The following DLGAP2 variants were observed in gnomAD, a reference collection of about 807,000 sequenced individuals.
DLGAP2 encodes disks large-associated protein 2.
DLGAP2 carries 26 observed loss-of-function variants against 100.3 expected under a neutral mutation model. The ratio of observed to expected loss-of-function variants is 0.26; its 90% CI spans 0.19 to 0.36. The LOEUF is 0.36. Among genes scored for constraint, DLGAP2 ranks in the 10% least tolerant of loss-of-function variants. The pLI is 1.00. For synonymous variants in DLGAP2, 886 were observed against 630.1 expected (o/e 1.41, Z -6.08); for missense variants, 1,858 against 1,453.2 (o/e 1.28, Z -4.53).
chr8:798,782 C>T (rs1184784598), intron 1 of DLGAP2, among the ~76,000 whole-genome samples: 1 of 147,374 alleles, frequency 6.8e-6, no homozygotes, highest in Non-Finnish European at 1.5e-5. Context: ...GGACCTGCAG[C>T]CCCGTGCCCT....
rs1331733325 is a variant in DLGAP2, at chr8:1,358,909, G to A, written c.106+100026G>A. On this transcript the variant is annotated intron_variant, in intron 3 of 14. Coordinates refer to ENST00000637795, the MANE Select transcript of DLGAP2 (RefSeq NM_001346810.2). ...AGGTCCAGAGACTCGGGAATTCTCG[G>A]TGCAGAGGCCCCAAAGGGAGAGAGT... Among the ~76,000 whole-genome samples the A allele has an allele frequency of 2.0e-5, 3 of 150,776 alleles. No homozygotes were observed. In the East Asian group the frequency reaches 5.8e-4, roughly 29 times the overall value.
intron 2 of DLGAP2, among the ~76,000 whole-genome samples, chr8:1,165,027 G>T (rs548176286): frequency 3.9e-5 from 6 of 152,224 alleles, no homozygotes; most frequent in African/African-American, 1.4e-4. Context: ...GGGGTTGGGT[G>T]TTGGGAGTCC....
At chr8:756,693 C>A (rs950730465) in intron 1 of DLGAP2, among the ~76,000 whole-genome samples, 1 of 152,228 alleles carries the variant, frequency 6.6e-6, no homozygotes, top group East Asian at 1.9e-4. Context: ...GAGGCTGAAC[C>A]TGGAATCCCC....
chr8:1,604,960 G>A (rs180701651), intron 6 of DLGAP2, among the ~76,000 whole-genome samples: 259 of 152,296 alleles, frequency 1.7e-3, no homozygotes, highest in Admixed American at 2.2e-3. Flanking sequence ...GTCTTGTGTC[G>A]TGTGTGGAGT....
At chr8:1,640,186 T>A (rs1234605269) in intron 8 of DLGAP2, among the ~76,000 whole-genome samples, 1 of 152,142 alleles carries the variant, frequency 6.6e-6, no homozygotes, top group Non-Finnish European at 1.5e-5. Context: ...ATTACACAAA[T>A]CCTTGTCGTA....
At chr8:1,021,495 A>G (rs1383983336) in intron 2 of DLGAP2, among the ~76,000 whole-genome samples, 1 of 152,196 alleles carries the variant, frequency 6.6e-6, no homozygotes, top group Non-Finnish European at 1.5e-5. Context: ...TTTTGGACCA[A>G]TTATGGGAGT....
intron 2 of DLGAP2, among the ~76,000 whole-genome samples, chr8:1,169,152 T>G (rs1797076412): frequency 1.3e-5 from 2 of 151,684 alleles, no homozygotes. Flanking sequence ...CTTTCCCCAT[T>G]GCTTGTTTTT....
intron 2 of DLGAP2, among the ~76,000 whole-genome samples, chr8:1,091,694 T>C (rs924242519): frequency 5.3e-5 from 8 of 152,074 alleles, no homozygotes; most frequent in African/African-American, 1.9e-4. Flanking sequence ...GTGAAGCAGT[T>C]CTTGTGGGTG....
At chr8:1,486,108 A>C (rs1039747136) in intron 3 of DLGAP2, among the ~76,000 whole-genome samples, 5 of 152,222 alleles carry the variant, frequency 3.3e-5, no homozygotes, top group African/African-American at 1.2e-4. Context: ...GTGCTCTGCC[A>C]AGATGCTGCA....
At chr8:1,020,345 T>G (rs1801592710) in intron 2 of DLGAP2, among the ~76,000 whole-genome samples, 1 of 152,218 alleles carries the variant, frequency 6.6e-6, no homozygotes, top group Non-Finnish European at 1.5e-5. Flanking sequence ...CTGACTGGCT[T>G]AAGGACAGAT....
intron 3 of DLGAP2, among the ~76,000 whole-genome samples, chr8:1,454,845 G>A (rs776647802): frequency 1.3e-3 from 205 of 152,160 alleles, no homozygotes; most frequent in Non-Finnish European, 2.4e-3. Flanking sequence ...CAGGATGATG[G>A]AAGGTTAGGG....
chr8:1,104,248 A>T (rs1804681007), intron 2 of DLGAP2, among the ~76,000 whole-genome samples: 1 of 152,028 alleles, frequency 6.6e-6, no homozygotes, highest in South Asian at 2.1e-4. Context: ...CGTGCACTGG[A>T]TAGTGGAGGG....
intron 2 of DLGAP2, among the ~76,000 whole-genome samples, chr8:1,254,960 G>GCTCTC (rs1563043139): frequency 0.014 from 1,128 of 78,838 alleles, 20 homozygotes; most frequent in African/African-American, 0.078. Flanking sequence ...CTGTGTGTGT[G>GCTCTC]TCCTCTCATC....
intron 3 of DLGAP2, among the ~76,000 whole-genome samples, chr8:1,423,810 C>T (rs1280416258): frequency 6.6e-6 from 1 of 152,206 alleles, no homozygotes; most frequent in Non-Finnish European, 1.5e-5. Context: ...CTAGTTGTTA[C>T]AGGAGAAATT....
intron 1 of DLGAP2, among the ~76,000 whole-genome samples, chr8:861,662 C>G (rs1797394144): frequency 6.6e-6 from 1 of 152,212 alleles, no homozygotes; most frequent in African/African-American, 2.4e-5. Flanking sequence ...AGGAATAATT[C>G]AGGAAATGAC....
At chr8:1,601,735 C>G (rs562312386) in intron 6 of DLGAP2, among the ~76,000 whole-genome samples, 8 of 152,180 alleles carry the variant, frequency 5.3e-5, no homozygotes, top group Admixed American at 4.6e-4. Context: ...CCACTCTGGT[C>G]TTTAATTTCC....
At chr8:1,199,415 G>A (rs760971650) in intron 2 of DLGAP2, among the ~76,000 whole-genome samples, 3 of 152,176 alleles carry the variant, frequency 2.0e-5, no homozygotes, top group South Asian at 2.1e-4. Context: ...AGAAGTGAGC[G>A]CTTATTACAA....
chr8:1,253,622 C>T (rs903164010), intron 2 of DLGAP2, among the ~76,000 whole-genome samples: 5 of 152,054 alleles, frequency 3.3e-5, no homozygotes, highest in Non-Finnish European at 7.4e-5. Context: ...GTGTGGAGCT[C>T]GGGGAATGAG....
At chr8:1,423,355 G>A (rs1258232028) in intron 3 of DLGAP2, among the ~76,000 whole-genome samples, 1 of 152,116 alleles carries the variant, frequency 6.6e-6, no homozygotes, top group Non-Finnish European at 1.5e-5. Flanking sequence ...GCAGATCCCA[G>A]GACCACCCCA....
Sources: allele counts gnomAD v4.1 joint callset (sites outside exome capture counted in the v4.1 genomes callset), GRCh38; gene constraint gnomAD v4.1.1; transcripts MANE v1.5; gene names NCBI Gene and HGNC (gene_info 2026-07-23, HGNC 2026-07-21).